CFTR: variants seen among roughly 807,000 people sequenced by gnomAD.
The protein encoded by CFTR is CF transmembrane conductance regulator.
A neutral mutation model predicts 171.6 loss-of-function variants in CFTR; 181 were observed. The observed-to-expected ratio is 1.05, with a 90% CI of 0.93 to 1.19. CFTR has a LOEUF of 1.19. CFTR is among the 50% of genes most tolerant of loss of function. CFTR has a pLI of 0.00. For missense variants in CFTR, 1,968 were observed against 1,734.7 expected, an observed-to-expected ratio of 1.13 and a Z score of -2.39; for synonymous variants, 583 against 608.0, an observed-to-expected ratio of 0.96 and a Z score of 0.60.
chr7:117,656,438 C>A (rs1266708898), intron 24 of CFTR, among the ~76,000 whole-genome samples: 1 of 152,104 alleles, frequency 6.6e-6, no homozygotes, highest in Non-Finnish European at 1.5e-5. Flanking sequence ...ATATGCCATC[C>A]TTTGAAGCCA....
At chr7:117,560,594 G>A (rs959018285) in intron 11 of CFTR, 1 of 151,796 alleles carries the variant, frequency 6.6e-6, no homozygotes, top group Non-Finnish European at 1.5e-5. Flanking sequence ...TATAAAAAGG[G>A]TTGCATGCTT....
rs185819383 is a variant in CFTR at position 117,667,559 on chromosome 7, T to A, written c.*451T>A. On this transcript the variant is annotated 3_prime_UTR_variant, in exon 27 of 27. Transcript: ENST00000003084. ...TAACTGGAAACTTCAGCGGTTTATA[T>A]AAGCTTGTATTCCTTTTTCTCTCCT... 7.4e-6 allele frequency: 2 copies of A among 270,924 alleles called. No individual in the cohort carries two copies. Among genetic ancestry groups the A allele is most frequent in the Admixed American group, 1.0e-4 (2 of 20,042 alleles). 16.8% of individuals were successfully genotyped at this position (270,924 alleles called of 1,614,324 possible). A position where few individuals can be genotyped will look rare whatever the true frequency, so the allele number is the denominator to read the frequency against.
At chr7:117,646,811 A>G (rs529233555) in intron 23 of CFTR, among the ~76,000 whole-genome samples, 19 of 152,268 alleles carry the variant, frequency 1.2e-4, no homozygotes, top group African/African-American at 4.6e-4. Flanking sequence ...AGTAGGTACA[A>G]TGCAATTTTA....
At chr7:117,596,336 C>T (rs934730124) in intron 15 of CFTR, among the ~76,000 whole-genome samples, 2 of 152,236 alleles carry the variant, frequency 1.3e-5, no homozygotes, top group Non-Finnish European at 2.9e-5. Flanking sequence ...TAGCTGCCTC[C>T]CTGCGGGGCA....
intron 25 of CFTR, 134 bp downstream of exon 25, chr7:117,664,994 C>A: frequency 2.1e-6 from 2 of 966,624 alleles, no homozygotes; most frequent in Non-Finnish European, 3.3e-6. Context: ...GAAATAATTG[C>A]CCAGTGGAAA....
At position 117,535,286 on chromosome 7, in the gene CFTR, G is replaced by C. The variant is rs397508770; in HGVS notation, c.618G>C (p.Leu206Phe). The change falls in exon 6 of 27, where the codon TTG (leucine) becomes TTC (phenylalanine). Residue 206 changes from leucine to phenylalanine, a missense_variant. Leu to Phe is a conservative substitution (Grantham distance 22). Coordinates refer to ENST00000003084, the MANE Select transcript of CFTR (RefSeq NM_000492.4). ...CACATTTCGTGTGGATCGCTCCTTT[G>C]CAAGTGGCACTCCTCATGGGGCTAA... ...ALAHFVWIAP[L>F]QVALLMGLIW... The C allele has an allele frequency of 1.2e-6, 2 of 1,613,732 alleles. No individual in the cohort carries two copies. The highest frequency in any genetic ancestry group is 1.7e-6 in the Non-Finnish European group (2 of 1,179,900).
intron 11 of CFTR, among the ~76,000 whole-genome samples, chr7:117,579,996 G>C (rs1791826796): frequency 6.6e-6 from 1 of 151,630 alleles, no homozygotes; most frequent in Admixed American, 6.6e-5. Flanking sequence ...CTGAAGGTTG[G>C]GTAGTACTTT....
intron 18 of CFTR, among the ~76,000 whole-genome samples, chr7:117,607,894 T>A (rs1273622222): frequency 6.6e-6 from 1 of 152,232 alleles, no homozygotes; most frequent in African/African-American, 2.4e-5. Context: ...TTTAAATCCA[T>A]GCGTTGAATT....
At chr7:117,568,284 G>T (rs1407990336) in intron 11 of CFTR, among the ~76,000 whole-genome samples, 1 of 152,166 alleles carries the variant, frequency 6.6e-6, no homozygotes, top group African/African-American at 2.4e-5. Flanking sequence ...GGGGCCATGG[G>T]ACTCACTGAA....
chr7:117,550,089 A>C (rs1799242831), intron 10 of CFTR, among the ~76,000 whole-genome samples: 1 of 152,162 alleles, frequency 6.6e-6, no homozygotes, highest in Non-Finnish European at 1.5e-5. Context: ...TAATCCTAGC[A>C]CTTTTGGAGG....
intron 15 of CFTR, among the ~76,000 whole-genome samples, chr7:117,595,735 T>C (rs1184531259): frequency 6.6e-6 from 1 of 151,652 alleles, no homozygotes; most frequent in African/African-American, 2.4e-5. Context: ...AATTAAAAAA[T>C]TAGCTGGGCA....
chr7:117,582,474 T>G (rs1014030283), intron 11 of CFTR, among the ~76,000 whole-genome samples: 3 of 152,106 alleles, frequency 2.0e-5, no homozygotes, highest in Non-Finnish European at 2.9e-5. Context: ...TTTCCCAGGG[T>G]ACACGCAACC....
intron 3 of CFTR, among the ~76,000 whole-genome samples, chr7:117,523,955 T>A (rs1798727649): frequency 6.6e-6 from 1 of 152,238 alleles, no homozygotes; most frequent in African/African-American, 2.4e-5. Context: ...TCTCTTTTTT[T>A]CTCAGAAGCT....
intron 15 of CFTR, among the ~76,000 whole-genome samples, chr7:117,595,382 A>C (rs964109886): frequency 6.6e-6 from 1 of 150,510 alleles, no homozygotes; most frequent in Non-Finnish European, 1.5e-5. Flanking sequence ...TTTTTAATAG[A>C]TTTTTAATAA....
Position 117,664,778 on chromosome 7 carries a change from C to A in CFTR, c.4054C>A (p.Gln1352Lys). The change falls in exon 25 of 27, where the codon CAG becomes AAG. Residue 1352 changes from glutamine (Q) to lysine (K), a missense_variant. By Grantham distance (53) the Gln-to-Lys change is moderately conservative (BLOSUM62 1). Coordinates refer to ENST00000003084, the MANE Select transcript of CFTR (RefSeq NM_000492.4). Reference sequence around the variant, plus strand: ...CTGTGTCCTAAGCCATGGCCACAAGCAGTTGATGTGCTTGGCTAGATCTGT... The same window carrying A: ...CTGTGTCCTAAGCCATGGCCACAAGAAGTTGATGTGCTTGGCTAGATCTGT... ...GGCVLSHGHK[Q>K]LMCLARSVLS... 1.2e-6 allele frequency: 2 copies of A among 1,614,042 alleles called. No individual in the cohort carries two copies. The highest frequency in any genetic ancestry group is 1.1e-5 in the South Asian group (1 of 91,086).
At chr7:117,532,057 C>T (rs1798873964) in intron 4 of CFTR, among the ~76,000 whole-genome samples, 1 of 151,614 alleles carries the variant, frequency 6.6e-6, no homozygotes, top group African/African-American at 2.4e-5. Context: ...TTCAAAAAAG[C>T]CTTTTATGAA....
chr7:117,480,039 G>A lies in CFTR; in HGVS notation c.-56G>A. The A allele has an allele frequency of 6.5e-7, 1 of 1,532,420 alleles. No individual in the cohort carries two copies. 94.9% of individuals were successfully genotyped at this position (1,532,420 alleles called of 1,614,324 possible). A position where few individuals can be genotyped will look rare whatever the true frequency, so the allele number is the denominator to read the frequency against. ...AGGCACCCAGAGTAGTAGGTCTTTG[G>A]CATTAGGAGCTTGAGCCCAGACGGC... On this transcript the variant is annotated 5_prime_UTR_variant, in exon 1 of 27. Coordinates refer to ENST00000003084, the MANE Select transcript of CFTR (RefSeq NM_000492.4).
chr7:117,559,135 T>G (rs1422981520), intron 10 of CFTR, among the ~76,000 whole-genome samples: 3 of 152,146 alleles, frequency 2.0e-5, no homozygotes, highest in Non-Finnish European at 4.4e-5. Context: ...CGACACAGAG[T>G]GAGCACTTGG....
intron 21 of CFTR, among the ~76,000 whole-genome samples, chr7:117,625,186 A>C (rs538316541): frequency 6.6e-6 from 1 of 152,280 alleles, no homozygotes; most frequent in East Asian, 1.9e-4. Flanking sequence ...AGATTAAATC[A>C]CACGTTCTTG....
Sources: gnomAD v4.1 joint callset for allele counts (sites outside exome capture counted in the v4.1 genomes callset) on GRCh38, gnomAD v4.1.1 for gene constraint, MANE v1.5 for transcripts, NCBI Gene and HGNC (gene_info 2026-07-23, HGNC 2026-07-21) for gene names.